Variants in PLSCR5 observed in about 807,000 individuals in gnomAD.
PLSCR5 encodes the protein phospholipid scramblase family, member 5.
PLSCR5 carries 44 observed loss-of-function variants against 33.6 expected under a neutral mutation model. The observed-to-expected ratio is 1.31, with a 90% CI of 1.03 to 1.69. The LOEUF is 1.69. Among genes scored for constraint, PLSCR5 ranks in the 40% most tolerant of loss-of-function variants. The pLI is 0.00. For synonymous variants in PLSCR5, 148 were observed against 112.3 expected (o/e 1.32, Z -2.01); for missense variants, 375 against 318.7 (o/e 1.18, Z -1.34).
intron 2 of PLSCR5, among the ~76,000 whole-genome samples, chr3:146,599,134 A>G (rs527327009): frequency 6.6e-6 from 1 of 152,344 alleles, no homozygotes; most frequent in South Asian, 2.1e-4. Context: ...CAACAATAAT[A>G]TACATACATG....
At chr3:146,596,988 T>G (rs563364719) in intron 2 of PLSCR5, among the ~76,000 whole-genome samples, 19 of 152,176 alleles carry the variant, frequency 1.2e-4, no homozygotes, top group African/African-American at 4.6e-4. Flanking sequence ...TGTTATCTTC[T>G]GAGGAAAACG....
chr3:146,598,744 A>G (rs1046018702), intron 2 of PLSCR5, among the ~76,000 whole-genome samples: 3 of 152,188 alleles, frequency 2.0e-5, no homozygotes, highest in Non-Finnish European at 4.4e-5. Flanking sequence ...TGCAGCAGTT[A>G]ATCAACTCTA....
At chr3:146,578,286 T>C (rs1286557902) in intron 7 of PLSCR5, among the ~76,000 whole-genome samples, 1 of 152,122 alleles carries the variant, frequency 6.6e-6, no homozygotes, top group Non-Finnish European at 1.5e-5. Flanking sequence ...ACTTTATCTA[T>C]TATGTGGAAT....
At chr3:146,579,961 G>T (rs2044622657) in intron 7 of PLSCR5, among the ~76,000 whole-genome samples, 1 of 152,048 alleles carries the variant, frequency 6.6e-6, no homozygotes, top group South Asian at 2.1e-4. Context: ...TGTGCTCTTC[G>T]CTTGGAATGT....
intron 1 of PLSCR5, among the ~76,000 whole-genome samples, chr3:146,603,843 T>C (rs555625201): frequency 6.9e-4 from 85 of 123,630 alleles, no homozygotes; most frequent in Non-Finnish European, 1.3e-3. Context: ...GTTTTTTGTT[T>C]ATTTGTCTTC....
chr3:146,600,770 A>T lies in PLSCR5; in HGVS notation c.14-307T>A, dbSNP rs576067650. The stretch of plus-strand genomic sequence containing the variant: ...TATATATATAATTACTTGCATATAT[A>T]TACTTACTGCATATATATTTATATG... On this transcript the variant is annotated intron_variant, in intron 1 of 7. Transcript: ENST00000443512. 3.7e-4 allele frequency among the ~76,000 whole-genome samples: 55 copies of T among 149,930 alleles called. 1 individual carries two copies. The East Asian group carries it at 0.011, about 29-fold the overall frequency.
Position 146,589,659 on chromosome 3 carries a change from A to G in PLSCR5, c.771T>C (p.Phe257=), listed in dbSNP as rs757501868. Residue 257 remains phenylalanine (F), a synonymous_variant, in exon 6 of 8, where the codon TTT becomes TTC. Coordinates refer to ENST00000443512, the MANE Select transcript of PLSCR5 (RefSeq NM_001085420.2). Reference sequence around the variant, plus strand: ...TCTCAAAGCCCATACTTACAAAGAGAAAACAGGCACCGATCATTGCTGCTT... The same window carrying G: ...TCTCAAAGCCCATACTTACAAAGAGGAAACAGGCACCGATCATTGCTGCTT... The part of the protein sequence containing the change: ...TVKAAMIGAC[F]LFDFMFFEHS... 3 of 1,581,562 alleles carry G rather than the reference A, an allele frequency of 1.9e-6. No individual in the cohort carries two copies. In the South Asian group the frequency reaches 3.5e-5, roughly 18 times the overall value.
At chr3:146,580,529 A>G (rs2044626922) in intron 7 of PLSCR5, among the ~76,000 whole-genome samples, 1 of 125,844 alleles carries the variant, frequency 7.9e-6, no homozygotes, top group South Asian at 2.5e-4. Flanking sequence ...CAGTGGTACG[A>G]TTTCGGCTCA....
At chr3:146,602,991 T>C (rs1205351810) in intron 1 of PLSCR5, among the ~76,000 whole-genome samples, 1 of 152,126 alleles carries the variant, frequency 6.6e-6, no homozygotes, top group Non-Finnish European at 1.5e-5. Flanking sequence ...TTAGTTCACA[T>C]TGAAGCAACC....
At chr3:146,599,954 G>A (rs406320) in intron 2 of PLSCR5, among the ~76,000 whole-genome samples, 57,885 of 151,808 alleles carry the variant, frequency 0.38, 11,326 homozygotes, top group East Asian at 0.57. Flanking sequence ...GTGAGCCACC[G>A]TGCCTGGCAT....
At chr3:146,578,204 G>GTT (rs146865624) in intron 7 of PLSCR5, among the ~76,000 whole-genome samples, 11 of 151,966 alleles carry the variant, frequency 7.2e-5, no homozygotes, top group Non-Finnish European at 1.2e-4. Flanking sequence ...GTTTAATAAA[G>GTT]TTTTTTATTA....
chr3:146,592,083 C>T lies in PLSCR5; in HGVS notation c.454-202G>A, dbSNP rs114540907. On this transcript the variant is annotated intron_variant, in intron 4 of 7. Transcript: ENST00000443512. Reference sequence around the variant, plus strand: ...CAAAGAAATTCACTGTATAAACATACGTTTAGCACTGTGCACTAAAAGTCT... The same window carrying T: ...CAAAGAAATTCACTGTATAAACATATGTTTAGCACTGTGCACTAAAAGTCT... Among the ~76,000 whole-genome samples, 774 of 152,114 alleles carry T rather than the reference C, an allele frequency of 5.1e-3. 4 individuals are homozygous for T. The highest frequency in any genetic ancestry group is 0.018 in the African/African-American group (737 of 41,534).
At chr3:146,604,299 T>G (rs2044845077) in intron 1 of PLSCR5, among the ~76,000 whole-genome samples, 1 of 152,134 alleles carries the variant, frequency 6.6e-6, no homozygotes, top group South Asian at 2.1e-4. Context: ...GCAACTTACT[T>G]TAAAAACAAC....
chr3:146,580,558 G>C (rs1202456322), intron 7 of PLSCR5, among the ~76,000 whole-genome samples: 4 of 141,898 alleles, frequency 2.8e-5, no homozygotes, highest in African/African-American at 1.0e-4. Context: ...TCGGCCTCCC[G>C]GGTTCAAGCA....
At chr3:146,584,852 A>T (rs903647128), downstream of PLSCR5, among the ~76,000 whole-genome samples, 1 of 152,142 alleles carries the variant, frequency 6.6e-6, no homozygotes. Flanking sequence ...CTCTAACTTG[A>T]CTAACTTAGT....
intron 7 of PLSCR5, among the ~76,000 whole-genome samples, chr3:146,576,953 G>C (rs1288190754): frequency 6.6e-6 from 1 of 151,806 alleles, no homozygotes; most frequent in Non-Finnish European, 1.5e-5. Context: ...AAAAGAAATT[G>C]TTTATGACAC....
chr3:146,584,811 T>G (rs1337736225), downstream of PLSCR5, among the ~76,000 whole-genome samples: 2 of 152,186 alleles, frequency 1.3e-5, no homozygotes. Context: ...ATATTATTTC[T>G]AGGAAATGAT....
intron 5 of PLSCR5, among the ~76,000 whole-genome samples, chr3:146,591,369 G>A (rs1161858948): frequency 1.3e-5 from 2 of 152,020 alleles, no homozygotes; most frequent in Non-Finnish European, 2.9e-5. Flanking sequence ...AAGAGATATA[G>A]TAGCTTTGTC....
chr3:146,605,124 T>G, intron 1 of PLSCR5, 76 bp downstream of exon 1: 1 of 1,430,422 alleles, frequency 7.0e-7, no homozygotes, highest in South Asian at 1.2e-5. Context: ...ATCTAACTGG[T>G]TGTAACACAT....
Sources: gnomAD v4.1 joint callset for allele counts (sites outside exome capture counted in the v4.1 genomes callset) on GRCh38, gnomAD v4.1.1 for gene constraint, MANE v1.5 for transcripts, NCBI Gene and HGNC (gene_info 2026-07-23, HGNC 2026-07-21) for gene names.